The following DNAH3 variants were observed in gnomAD, a reference collection of about 807,000 sequenced individuals.
DNAH3 encodes the protein dynein axonemal heavy chain 3.
A neutral mutation model predicts 432.5 loss-of-function variants in DNAH3; 332 were observed. The observed-to-expected ratio is 0.77, with a 90% CI of 0.70 to 0.84. DNAH3 has a LOEUF of 0.84. DNAH3 is among the 40% of genes least tolerant of loss of function. DNAH3 has a pLI of 0.00. For missense variants in DNAH3, 4,861 were observed against 5,114.0 expected (o/e 0.95, Z 1.51); for synonymous variants, 1,956 against 1,900.2 (o/e 1.03, Z -0.76).
At chr16:21,069,320 G>T in intron 23 of DNAH3, 95 bp downstream of exon 23, 1 of 1,114,910 alleles carries the variant, frequency 9.0e-7, no homozygotes, top group Non-Finnish European at 1.3e-6. Context: ...CAAAACTCTA[G>T]TTCATTTACA....
intron 41 of DNAH3, among the ~76,000 whole-genome samples, chr16:21,016,178 TA>T (rs2087848558): frequency 6.6e-6 from 1 of 152,052 alleles, no homozygotes; most frequent in Non-Finnish European, 1.5e-5. Context: ...CCAAAAGCTT[TA>T]AAATGTTACC....
chr16:20,991,297 C>T (rs560631664), intron 44 of DNAH3, among the ~76,000 whole-genome samples: 5 of 152,044 alleles, frequency 3.3e-5, no homozygotes, highest in South Asian at 4.2e-4. Context: ...TGGAGCCTCA[C>T]TCCCATTGCA....
At chr16:21,120,821 CAGT>C (rs2092322040) in exon 11 of DNAH3, 1 of 1,613,904 alleles carries the variant, frequency 6.2e-7, no homozygotes, top group South Asian at 1.1e-5. Flanking sequence ...GCAGCAGCAG[CAGT>C]GAAGGAGAAC....
At chr16:21,035,504 A>G (rs914865634) in intron 35 of DNAH3, among the ~76,000 whole-genome samples, 3 of 152,168 alleles carry the variant, frequency 2.0e-5, no homozygotes, top group African/African-American at 7.2e-5. Flanking sequence ...GTAGATCCGC[A>G]AATTACTTTG....
chr16:21,152,326 T>C (rs2031081), intron 1 of DNAH3, among the ~76,000 whole-genome samples: 72,030 of 152,180 alleles, frequency 0.47, 17,556 homozygotes, highest in East Asian at 0.68. Flanking sequence ...TTGGAACCTG[T>C]CCTGATGACC....
chr16:21,143,418 G>GATGTC, intron 3 of DNAH3, among the ~76,000 whole-genome samples: 2 of 152,284 alleles, frequency 1.3e-5, no homozygotes, highest in Admixed American at 1.3e-4. Context: ...AGAGAAGACA[G>GATGTC]ATGTCTATGA....
intron 51 of DNAH3, among the ~76,000 whole-genome samples, chr16:20,972,579 C>T (rs1056232016): frequency 4.0e-5 from 6 of 151,752 alleles, no homozygotes; most frequent in Non-Finnish European, 8.8e-5. Flanking sequence ...GTCTATTCTA[C>T]CAGGACTACA....
In DNAH3 at chr16:21,126,172, AAACAAACAAC is replaced by A. The variant is rs575297030; in HGVS notation, c.1209-812_1209-803del. On this transcript the variant is annotated intron_variant, in intron 8 of 61. Transcript: ENST00000261383. ...GAGTGAGTGAAACTCTGTCTCAAACAAACAAACAACAACAAACAAACAAAAAGAAATAGAT... is the reference window on the plus strand; with the variant it reads ...GAGTGAGTGAAACTCTGTCTCAAACAAACAAACAAACAAAAAGAAATAGAT... 8.8e-4 allele frequency among the ~76,000 whole-genome samples: 123 copies of A among 138,988 alleles called. 1 individual carries two copies. The highest frequency in any genetic ancestry group is 1.5e-3 in the Non-Finnish European group (99 of 64,092). 91.2% of individuals were successfully genotyped at this position (138,988 alleles called of 152,430 possible).
At chr16:21,132,178 T>C (rs2092574271) in intron 7 of DNAH3, among the ~76,000 whole-genome samples, 1 of 152,186 alleles carries the variant, frequency 6.6e-6, no homozygotes, top group South Asian at 2.1e-4. Flanking sequence ...CTCAATTCCT[T>C]TTTAAAATAC....
At position 21,055,745 on chromosome 16, in the gene DNAH3, A is replaced by ATTT. The variant is rs775755456; in HGVS notation, c.3925-1214_3925-1212dup. ...GTCTCCTGGTGTGTGTCAAATGCAG[A>ATTT]TTTTTTTTTTTTTTTTTTGAGATGG... is the stretch of plus-strand genomic sequence containing the variant. On this transcript the variant is annotated intron_variant, in intron 27 of 61. Transcript: ENST00000261383. Among the ~76,000 whole-genome samples, 436 of 134,224 alleles carry ATTT rather than the reference A, an allele frequency of 3.2e-3. 8 individuals carry two copies. Among genetic ancestry groups the ATTT allele is most frequent in the South Asian group, 7.1e-3 (29 of 4,078 alleles). The allele number at this position is 134,224 out of a possible 152,430, so 88.1% of individuals were successfully genotyped here. A position where few individuals can be genotyped will look rare whatever the true frequency, so the allele number is the denominator to read the frequency against.
intron 27 of DNAH3, among the ~76,000 whole-genome samples, chr16:21,057,752 G>A (rs895408518): frequency 9.9e-5 from 15 of 152,116 alleles, no homozygotes; most frequent in Non-Finnish European, 1.6e-4. Flanking sequence ...AGAGGCAGAT[G>A]GTGGCCCCTT....
chr16:20,969,888 T>A, exon 52 of DNAH3: 1 of 1,614,122 alleles, frequency 6.2e-7, no homozygotes, highest in South Asian at 1.1e-5. Flanking sequence ...GGGTTCTGCA[T>A]CGACTTCACC....
intron 4 of DNAH3, 127 bp from the exon 6 acceptor site, chr16:21,140,837 A>C: frequency 4.0e-6 from 3 of 758,088 alleles, no homozygotes; most frequent in Non-Finnish European, 6.5e-6. Context: ...TGTGTCATCT[A>C]ATGGCATGTG....
intron 50 of DNAH3, among the ~76,000 whole-genome samples, chr16:20,977,312 G>T (rs1384864265): frequency 2.6e-5 from 4 of 152,160 alleles, no homozygotes; most frequent in African/African-American, 4.8e-5. Flanking sequence ...GGGAGGTGGA[G>T]GTTGCAGTGA....
At chr16:21,120,342 C>T (rs1057415014) in intron 11 of DNAH3, among the ~76,000 whole-genome samples, 1 of 152,120 alleles carries the variant, frequency 6.6e-6, no homozygotes, top group African/African-American at 2.4e-5. Flanking sequence ...AAGCAATCTT[C>T]CTGCTTCTCG....
At chr16:21,109,657 C>T (rs770416688) in intron 14 of DNAH3, among the ~76,000 whole-genome samples, 21 of 151,766 alleles carry the variant, frequency 1.4e-4, no homozygotes, top group African/African-American at 3.4e-4. Context: ...TGGAGTGCAG[C>T]GCCTCAATCA....
At chr16:20,945,011 A>T (rs2083982293) in intron 57 of DNAH3, among the ~76,000 whole-genome samples, 1 of 152,166 alleles carries the variant, frequency 6.6e-6, no homozygotes, top group South Asian at 2.1e-4. Flanking sequence ...TCCATCTTGT[A>T]TAGGGACTGG....
chr16:20,985,394 T>C (rs1380400602), exon 48 of DNAH3: 13 of 1,614,086 alleles, frequency 8.1e-6, no homozygotes, highest in Non-Finnish European at 9.3e-6. Flanking sequence ...TATGCGTTCA[T>C]GAATGTGGAC....
chr16:20,944,435 C>A, intron 58 of DNAH3, 61 bp downstream of exon 58: 1 of 1,582,226 alleles, frequency 6.3e-7, no homozygotes. Flanking sequence ...ATCCTGTGTG[C>A]CCACTGGATG....
Sources: allele counts gnomAD v4.1 joint callset (sites outside exome capture counted in the v4.1 genomes callset), GRCh38; gene constraint gnomAD v4.1.1; transcripts MANE v1.5; gene names NCBI Gene and HGNC (gene_info 2026-07-23, HGNC 2026-07-21).